The following RNF213 variants were observed in gnomAD, a reference collection of about 807,000 sequenced individuals.
RNF213 encodes the protein E3 ubiquitin-protein ligase RNF213.
A neutral mutation model predicts 514.4 loss-of-function variants in RNF213; 341 were observed. That is an observed-to-expected ratio of 0.66 (90% CI 0.61 to 0.73). RNF213 has a LOEUF of 0.73. Ranked by LOEUF, RNF213 falls within the 30% of genes least tolerant of loss-of-function variation. The pLI, the probability that RNF213 is intolerant of heterozygous loss-of-function variation, is 0.00. For synonymous variants in RNF213, 2,655 were observed against 2,658.2 expected (o/e 1.00, Z 0.04); for missense variants, 5,767 against 6,615.6 (o/e 0.87, Z 4.45).
At chr17:80,324,430 T>G (rs1418635797) in intron 17 of RNF213, among the ~76,000 whole-genome samples, 2 of 152,230 alleles carry the variant, frequency 1.3e-5, no homozygotes, top group African/African-American at 2.4e-5. Context: ...TAAATTACAC[T>G]TGATCGTGGT....
At position 80,290,966 on chromosome 17, in the gene RNF213, G is replaced by A. The variant is rs140348297; in HGVS notation, c.1271+238G>A. Reference sequence around the variant, plus strand: ...TGGGACTACAGGTGTGTACCACCACGCCTGGCTAATTTTTGTATTTTTAGT... The same window carrying A: ...TGGGACTACAGGTGTGTACCACCACACCTGGCTAATTTTTGTATTTTTAGT... On this transcript the variant is annotated intron_variant, in intron 7 of 67. Coordinates refer to ENST00000582970, the MANE Select transcript of RNF213 (RefSeq NM_001256071.3). Among the ~76,000 whole-genome samples the A allele has an allele frequency of 9.5e-3, 1,452 of 152,070 alleles. 33 individuals carry two copies. The highest frequency in any genetic ancestry group is 0.033 in the African/African-American group (1,387 of 41,460).
At chr17:80,379,544 TTCA>T in intron 54 of RNF213, 73 bp from the exon 55 acceptor site, 1 of 1,328,018 alleles carries the variant, frequency 7.5e-7, no homozygotes, top group Non-Finnish European at 1.1e-6. Context: ...TAAGGAGGTG[TTCA>T]TTTGCATGAT....
intron 2 of RNF213, among the ~76,000 whole-genome samples, chr17:80,272,541 C>A (rs890243715): frequency 6.6e-6 from 1 of 152,188 alleles, no homozygotes; most frequent in Non-Finnish European, 1.5e-5. Context: ...CAAGAGTAAA[C>A]CCATGACCGC....
Position 80,366,332 on chromosome 17 carries a change from G to A in RNF213, c.11872-1416G>A, listed in dbSNP as rs377208479. Reference sequence around the variant, plus strand: ...GCAGAGGCACTGTATTGTTTTCCACGGGGGCTGCAGCATCTTTCTTACATC... The same window carrying A: ...GCAGAGGCACTGTATTGTTTTCCACAGGGGCTGCAGCATCTTTCTTACATC... On this transcript the variant is annotated intron_variant, in intron 42 of 67. Coordinates refer to ENST00000582970, the MANE Select transcript of RNF213 (RefSeq NM_001256071.3). Among the ~76,000 whole-genome samples, 48 of 152,162 alleles carry A rather than the reference G, an allele frequency of 3.2e-4. No individual in the cohort carries two copies. In the South Asian group the frequency reaches 7.1e-3, roughly 22 times the overall value.
chr17:80,367,528 AAAATCGT>A (rs2079324386), intron 42 of RNF213, among the ~76,000 whole-genome samples: 1 of 152,190 alleles, frequency 6.6e-6, no homozygotes, highest in African/African-American at 2.4e-5. Context: ...AAGAAGAGGG[AAAATCGT>A]AACTTGAGAA....
At chr17:80,308,525 C>G (rs533448072) in intron 13 of RNF213, among the ~76,000 whole-genome samples, 2 of 151,926 alleles carry the variant, frequency 1.3e-5, no homozygotes, top group African/African-American at 4.8e-5. Flanking sequence ...CCTCCCGAGT[C>G]CCTACCGAGT....
intron 13 of RNF213, among the ~76,000 whole-genome samples, chr17:80,307,876 T>A (rs978840428): frequency 2.8e-5 from 4 of 143,276 alleles, no homozygotes; most frequent in Admixed American, 6.9e-5. Flanking sequence ...TTTTTTTTTT[T>A]AAAGGGAAAT....
Position 80,336,357 on chromosome 17 carries a change from C to A in RNF213, c.4506C>A (p.Asp1502Glu), listed in dbSNP as rs1314312260. The A allele has an allele frequency of 2.0e-6, 3 of 1,537,138 alleles. No homozygotes were observed. The highest frequency in any genetic ancestry group is 2.6e-6 in the Non-Finnish European group (3 of 1,146,914). ...LKKLWKALDK[D>E]QYLPRKLCDS... ...AGCTGTGGAAGGCTCTGGATAAGGA[C>A]CAGTACCTGCCCAGGAAACTGGTGA... Residue 1502 changes from aspartate to glutamate, a missense_variant, in exon 23 of 68, where the codon GAC becomes GAA. Transcript: ENST00000582970.
Position 80,339,788 on chromosome 17 carries a change from T to C in RNF213, c.5421T>C (p.Ala1807=). 6.5e-7 allele frequency: 1 copy of C among 1,535,010 alleles called. No individual in the cohort carries two copies. Among genetic ancestry groups the C allele is most frequent in the Non-Finnish European group, 8.7e-7 (1 of 1,145,146 alleles). ...TAGAGACCCTTGGCCACTGTCTGGC[T>C]CACCTGGCAGGGATGGGTGGGTCTC... is the stretch of plus-strand genomic sequence containing the variant. ...LDLETLGHCL[A]HLAGMGGSPV... The change falls in exon 26 of 68, where the codon GCT becomes GCC. Residue 1807 remains alanine (A), a synonymous_variant. Coordinates refer to ENST00000582970, the MANE Select transcript of RNF213 (RefSeq NM_001256071.3).
intron 3 of RNF213, among the ~76,000 whole-genome samples, chr17:80,285,868 A>T (rs1201639988): frequency 6.6e-6 from 1 of 151,800 alleles, no homozygotes; most frequent in Non-Finnish European, 1.5e-5. Context: ...GATGGGGAGG[A>T]TCTCACCATG....
intron 22 of RNF213, 152 bp downstream of exon 22, chr17:80,334,422 G>A (rs2077925090): frequency 3.9e-6 from 3 of 776,680 alleles, no homozygotes; most frequent in Non-Finnish European, 6.0e-6. Context: ...TAGGGAGATG[G>A]GCACTGATCA....
Position 80,360,083 on chromosome 17 carries a change from A to G in RNF213, c.11077A>G (p.Ile3693Val), listed in dbSNP as rs1162300130. Residue 3693 changes from isoleucine (I) to valine (V), a missense_variant, in exon 38 of 68, where the codon ATC becomes GTC. By Grantham distance (29) the Ile-to-Val change is conservative. Transcript: ENST00000582970. The part of the protein sequence containing the change: ...NERHKGEMAY[I>V]VVQNHMNLSE... ...CAGACATAAAGGTGAGATGGCCTAC[A>G]TCGTGGTGCAGAACCACATGAACCT... 1.9e-6 allele frequency: 3 copies of G among 1,614,090 alleles called. No individual in the cohort carries two copies. The highest frequency in any genetic ancestry group is 1.3e-5 in the African/African-American group (1 of 74,936).
rs373930748 is a variant in RNF213, at chr17:80,273,423, C to T, written c.261+19C>T. On this transcript the variant is annotated intron_variant, in intron 3 of 67. Transcript: ENST00000582970. Reference sequence around the variant, plus strand: ...CCAAGAAGTGAGTGCACTGCCTCGGCTCCCCTCCGCCCCCGCTCACTCTGC... The same window carrying T: ...CCAAGAAGTGAGTGCACTGCCTCGGTTCCCCTCCGCCCCCGCTCACTCTGC... 1 of 1,610,794 alleles carries T rather than the reference C, an allele frequency of 6.2e-7. No homozygotes were observed. Among genetic ancestry groups the T allele is most frequent in the African/African-American group, 1.3e-5 (1 of 74,904 alleles).
In RNF213 at chr17:80,347,452, C is replaced by G. The variant is rs1465719684; in HGVS notation, c.9117C>G (p.Ser3039=). The G allele has an allele frequency of 6.2e-7, 1 of 1,614,024 alleles. No individual in the cohort carries two copies. Among genetic ancestry groups the G allele is most frequent in the Non-Finnish European group, 8.5e-7 (1 of 1,180,026 alleles). ...GTGGAGAGCAGGAAGATGCTGAGTC[C>G]CGCTACTTACTCGTGCTGACCAAAA... ...VPGGEQEDAE[S]RYLLVLTKNY... Residue 3039 remains serine, a synonymous_variant, in exon 29 of 68, where the codon TCC becomes TCG. Coordinates refer to ENST00000582970, the MANE Select transcript of RNF213 (RefSeq NM_001256071.3). The surrounding 1 kb of genome is among the most constrained non-coding windows in gnomAD (Gnocchi z 7.2).
rs397968636 is a variant in RNF213, at chr17:80,374,004, C to CAA, written c.12943-435_12943-434dup. Reference sequence around the variant, plus strand: ...TGGGCGATAGAGCGAGACTCCGTCTCAAAAAAAAAAAAAAAAAAAAGAGGC... The same window carrying CAA: ...TGGGCGATAGAGCGAGACTCCGTCTCAAAAAAAAAAAAAAAAAAAAAAGAGGC... On this transcript the variant is annotated intron_variant, in intron 49 of 67. Transcript: ENST00000582970. Among the ~76,000 whole-genome samples, 429 of 95,808 alleles carry CAA rather than the reference C, an allele frequency of 4.5e-3. 9 individuals carry two copies. Among genetic ancestry groups the CAA allele is most frequent in the South Asian group, 0.017 (40 of 2,296 alleles). The allele number at this position is 95,808 out of a possible 152,430, so 62.9% of individuals were successfully genotyped here.
At position 80,344,981 on chromosome 17, in the gene RNF213, C is replaced by T. The variant is rs763594229; in HGVS notation, c.6646C>T (p.Arg2216Trp). The T allele has an allele frequency of 8.7e-6, 14 of 1,614,040 alleles. No individual in the cohort carries two copies. Among genetic ancestry groups the T allele is most frequent in the Admixed American group, 3.3e-5 (2 of 60,004 alleles). Reference sequence around the variant, plus strand: ...AATAAACCCATCCTGGTCAGAGCTTCGGAACTTTGCTCGGTTCCTGAATTA... The same window carrying T: ...AATAAACCCATCCTGGTCAGAGCTTTGGAACTTTGCTCGGTTCCTGAATTA... ...GVINPSWSELRNFARFLNYQL... is the reference protein window; with the variant it reads ...GVINPSWSELWNFARFLNYQL... Residue 2216 changes from arginine (R) to tryptophan (W), a missense_variant, in exon 29 of 68, where the codon CGG becomes TGG. Physicochemically the swap from Arg to Trp is moderately radical, Grantham distance 101. Coordinates refer to ENST00000582970, the MANE Select transcript of RNF213 (RefSeq NM_001256071.3).
chr17:80,264,847 C>T lies in RNF213; in HGVS notation c.97+1069C>T, dbSNP rs2043553112. Among the ~76,000 whole-genome samples, 1 of 152,058 alleles carries T rather than the reference C, an allele frequency of 6.6e-6. No homozygotes were observed. The highest frequency in any genetic ancestry group is 1.5e-5 in the Non-Finnish European group (1 of 68,022). On this transcript the variant is annotated intron_variant, in intron 2 of 67. Coordinates refer to ENST00000582970, the MANE Select transcript of RNF213 (RefSeq NM_001256071.3). The surrounding 1 kb of genome is among the most constrained non-coding windows in gnomAD (Gnocchi z 5.0). ...CATTCCTCTTGGCTCCCTCTCCTGT[C>T]CCCAGAGCCCACCACCTTCTGGCCC...
At chr17:80,309,647 C>T (rs2045496108) in intron 14 of RNF213, among the ~76,000 whole-genome samples, 2 of 152,186 alleles carry the variant, frequency 1.3e-5, no homozygotes, top group Non-Finnish European at 2.9e-5. Context: ...CACACATCTG[C>T]CCCCCGCTGC....
In RNF213 at chr17:80,276,794, T is replaced by C. The variant is rs1352041297; in HGVS notation, c.261+3390T>C. Among the ~76,000 whole-genome samples the C allele has an allele frequency of 2.0e-5, 3 of 152,058 alleles. No individual in the cohort carries two copies. The South Asian group carries it at 6.2e-4, about 31-fold the overall frequency. On this transcript the variant is annotated intron_variant, in intron 3 of 67. Transcript: ENST00000582970. The stretch of plus-strand genomic sequence containing the variant: ...TAGGCCGGGCGCGGTGGCTCACACC[T>C]GTCATCCCAGCACTTTGGGAGGCTG...
Sources: allele counts gnomAD v4.1 joint callset (sites outside exome capture counted in the v4.1 genomes callset), GRCh38; gene constraint gnomAD v4.1.1; non-coding constraint Gnocchi (gnomAD v3.1); transcripts MANE v1.5; gene names NCBI Gene and HGNC (gene_info 2026-07-23, HGNC 2026-07-21).